SEPSECS: variants seen among roughly 807,000 people sequenced by gnomAD.
The protein encoded by SEPSECS is O-phosphoseryl-tRNA(Sec) selenium transferase.
Under a neutral mutation model 52.1 loss-of-function variants are expected in SEPSECS, and 42 were observed. That is an observed-to-expected ratio of 0.81 (90% CI 0.63 to 1.04). The LOEUF (loss-of-function observed/expected upper bound fraction) is 1.04, where lower values mean the gene tolerates loss of function less well. SEPSECS is among the 50% of genes least tolerant of loss of function. SEPSECS has a pLI of 0.00. For synonymous variants in SEPSECS, 216 were observed against 211.4 expected (o/e 1.02, Z -0.19); for missense variants, 590 against 610.6 (o/e 0.97, Z 0.36).
intron 4 of SEPSECS, 72 bp downstream of exon 4, chr4:25,155,965 T>C: frequency 1.4e-6 from 2 of 1,384,494 alleles, no homozygotes; most frequent in South Asian, 1.2e-5. Flanking sequence ...TTTTCATTTA[T>C]CTATCTTTAT....
chr4:25,125,552 C>CT, intron 10 of SEPSECS, 142 bp downstream of exon 10: 2 of 695,676 alleles, frequency 2.9e-6, no homozygotes, highest in African/African-American at 3.5e-5. Flanking sequence ...TACAGATTCT[C>CT]TAACTCATCA....
intron 8 of SEPSECS, among the ~76,000 whole-genome samples, chr4:25,142,844 T>C (rs1361061969): frequency 1.3e-5 from 2 of 152,226 alleles, no homozygotes; most frequent in Non-Finnish European, 2.9e-5. Flanking sequence ...ATGTCCAAAG[T>C]CCAGGAAGTA....
At position 25,123,266 on chromosome 4, in the gene SEPSECS, T is replaced by C. The variant is rs890134795; in HGVS notation, c.*665A>G. On this transcript the variant is annotated 3_prime_UTR_variant, in exon 11 of 11. Transcript: ENST00000382103. ...CCTCAGCACTAATGACATTTTGGGC[T>C]GGATAATTCTTTGTTGTGGGAGTTG... The C allele has an allele frequency of 6.5e-6, 1 of 152,768 alleles. No individual in the cohort carries two copies. Among genetic ancestry groups the C allele is most frequent in the African/African-American group, 2.4e-5 (1 of 41,466 alleles). 9.5% of individuals were successfully genotyped at this position (152,768 alleles called of 1,614,324 possible). A position where few individuals can be genotyped will look rare whatever the true frequency, so the allele number is the denominator to read the frequency against.
In SEPSECS at chr4:25,156,150, C is replaced by T. The variant is rs1712615223; in HGVS notation, c.434G>A (p.Gly145Asp). ...TAAGAAACACAGAGTTAGACTCATA[C>T]CAGTTGCCATAGGAACTACAAAGCA... Reference protein sequence around the residue: ...ANCFVVPMATGMSLTLCFLTL... With the variant: ...ANCFVVPMATDMSLTLCFLTL... Residue 145 changes from glycine to aspartate, a missense_variant, in exon 4 of 11, where the codon GGT becomes GAT. Transcript: ENST00000382103. 1 of 1,614,004 alleles carries T rather than the reference C, an allele frequency of 6.2e-7. No individual in the cohort carries two copies. Among genetic ancestry groups the T allele is most frequent in the African/African-American group, 1.3e-5 (1 of 75,030 alleles).
chr4:25,125,102 G>A (rs1017108486), intron 10 of SEPSECS, among the ~76,000 whole-genome samples: 4 of 151,822 alleles, frequency 2.6e-5, no homozygotes, highest in South Asian at 2.1e-4. Context: ...TCTATCCTCC[G>A]GTAGCTACAG....
In SEPSECS at chr4:25,159,079, T is replaced by C; in HGVS notation, c.143A>G (p.Glu48Gly). Residue 48 changes from glutamate to glycine, a missense_variant, in exon 2 of 11, where the codon GAA becomes GGA. Transcript: ENST00000382103. Reference sequence around the variant, plus strand: ...ATGTAAAAAGAGTTCAAGTGTACTTTCATCCCAGCCATTCTCTGGACACTT... The same window carrying C: ...ATGTAAAAAGAGTTCAAGTGTACTTCCATCCCAGCCATTCTCTGGACACTT... ...KGKCPENGWDESTLELFLHEL... is the reference protein window; with the variant it reads ...KGKCPENGWDGSTLELFLHEL... 6.2e-7 allele frequency: 1 copy of C among 1,612,850 alleles called. No homozygotes were observed. Among genetic ancestry groups the C allele is most frequent in the Non-Finnish European group, 8.5e-7 (1 of 1,179,430 alleles).
intron 6 of SEPSECS, among the ~76,000 whole-genome samples, chr4:25,145,723 G>T (rs1175259868): frequency 6.6e-6 from 1 of 152,110 alleles, no homozygotes; most frequent in Non-Finnish European, 1.5e-5. Context: ...GTTCGAGGGT[G>T]GCCACCATAA....
At chr4:25,135,473 T>G (rs1728806514) in intron 8 of SEPSECS, among the ~76,000 whole-genome samples, 2 of 152,072 alleles carry the variant, frequency 1.3e-5, no homozygotes, top group African/African-American at 4.8e-5. Flanking sequence ...AAGAAATGGA[T>G]AAATTCCTGC....
intron 8 of SEPSECS, among the ~76,000 whole-genome samples, chr4:25,130,677 T>C (rs1728572691): frequency 6.6e-6 from 1 of 152,160 alleles, no homozygotes; most frequent in African/African-American, 2.4e-5. Context: ...TAAAGCACAA[T>C]AGGCTGAATT....
chr4:25,156,246 A>T (rs903463532), intron 3 of SEPSECS, 51 bp from the exon 4 acceptor site: 16 of 1,495,554 alleles, frequency 1.1e-5, no homozygotes, highest in Non-Finnish European at 1.5e-5. Context: ...AGCACCCAGC[A>T]TCCTTCTTGA....
At chr4:25,156,687 AAC>A (rs1712668591) in intron 3 of SEPSECS, among the ~76,000 whole-genome samples, 167 bp downstream of exon 3, 1 of 141,504 alleles carries the variant, frequency 7.1e-6, no homozygotes, top group African/African-American at 2.6e-5. Flanking sequence ...CAGCCTGGGC[AAC>A]AGAGCTAGAC....
At chr4:25,144,903 G>A (rs191720294) in intron 7 of SEPSECS, 38 bp from the exon 8 acceptor site, 23 of 1,574,744 alleles carry the variant, frequency 1.5e-5, no homozygotes, top group African/African-American at 2.7e-5. Context: ...AGACTGTGGT[G>A]GGGGGGTAGC....
In SEPSECS at chr4:25,131,348, G is replaced by C. The variant is rs570739453; in HGVS notation, c.1027-3991C>G. On this transcript the variant is annotated intron_variant, in intron 8 of 10. Coordinates refer to ENST00000382103, the MANE Select transcript of SEPSECS (RefSeq NM_016955.4). Reference sequence around the variant, plus strand: ...TCACATATTATTACAATATGTTTCAGAAGGCAGGTAATAAACCAAAAGAAA... The same window carrying C: ...TCACATATTATTACAATATGTTTCACAAGGCAGGTAATAAACCAAAAGAAA... 2.0e-3 allele frequency among the ~76,000 whole-genome samples: 301 copies of C among 152,274 alleles called. 1 individual carries two copies. The South Asian group carries it at 0.02, about 10-fold the overall frequency.
At chr4:25,135,892 G>T (rs966978354) in intron 8 of SEPSECS, among the ~76,000 whole-genome samples, 6 of 152,130 alleles carry the variant, frequency 3.9e-5, no homozygotes, top group Non-Finnish European at 8.8e-5. Flanking sequence ...TGCAAGGCTG[G>T]TTCAACACAC....
At chr4:25,144,511 A>T (rs754953154) in intron 8 of SEPSECS, among the ~76,000 whole-genome samples, 10 of 151,822 alleles carry the variant, frequency 6.6e-5, no homozygotes, top group Non-Finnish European at 1.3e-4. Context: ...TTTATTGAAT[A>T]AGAGTCCCTA....
At chr4:25,151,504 G>C (rs1343782801) in intron 6 of SEPSECS, among the ~76,000 whole-genome samples, 3 of 151,856 alleles carry the variant, frequency 2.0e-5, no homozygotes. Context: ...AAATGACCAG[G>C]ATCTAGCTGA....
In SEPSECS at chr4:25,124,121, G is replaced by T. The variant is rs747723830; in HGVS notation, c.1316C>A (p.Ala439Asp). Residue 439 changes from alanine (A) to aspartate (D), a missense_variant, in exon 11 of 11, where the codon GCC becomes GAC. By Grantham distance (126) the Ala-to-Asp change is moderately radical (BLOSUM62 -2). Transcript: ENST00000382103. ...CACATCCTGCATCTTCATTCCGATGGCTGATGCAGCATTGAGGTAAGCACA... is the reference window on the plus strand; with the variant it reads ...CACATCCTGCATCTTCATTCCGATGTCTGATGCAGCATTGAGGTAAGCACA... ...YPCAYLNAAS[A>D]IGMKMQDVDL... is the part of the protein sequence containing the mutation. The T allele has an allele frequency of 6.2e-7, 1 of 1,613,624 alleles. No individual in the cohort carries two copies. The highest frequency in any genetic ancestry group is 1.1e-5 in the South Asian group (1 of 91,044).
At chr4:25,136,643 G>T (rs940886799) in intron 8 of SEPSECS, among the ~76,000 whole-genome samples, 3 of 152,026 alleles carry the variant, frequency 2.0e-5, no homozygotes, top group African/African-American at 7.3e-5. Context: ...ACTGCCCAAA[G>T]AAATTTATAG....
chr4:25,127,275 G>A lies in SEPSECS; in HGVS notation c.1109C>T (p.Pro370Leu), dbSNP rs1287130984. Reference protein sequence around the residue: ...NERLLHTPHNPISLAMTLKTL... With the variant: ...NERLLHTPHNLISLAMTLKTL... ...AAAAAAGAAATTACCTAAAGATATG[G>A]GATTGTGAGGTGTATGCAACAGTCT... Residue 370 changes from proline (P) to leucine (L), a missense_variant, in exon 9 of 11, where the codon CCC (proline) becomes CTC (leucine). Transcript: ENST00000382103. 1.3e-5 allele frequency: 21 copies of A among 1,607,914 alleles called. No homozygotes were observed. The highest frequency in any genetic ancestry group is 1.7e-5 in the Non-Finnish European group (20 of 1,174,992).
Sources: allele counts gnomAD v4.1 joint callset (sites outside exome capture counted in the v4.1 genomes callset), GRCh38; gene constraint gnomAD v4.1.1; transcripts MANE v1.5; gene names NCBI Gene and HGNC (gene_info 2026-07-23, HGNC 2026-07-21).